Variants in PTPN20 observed in about 807,000 individuals in gnomAD.
PTPN20 encodes tyrosine-protein phosphatase non-receptor type 20.
PTPN20 carries 9 observed loss-of-function variants against 35.0 expected under a neutral mutation model. The ratio of observed to expected loss-of-function variants is 0.26; its 90% CI spans 0.15 to 0.45. PTPN20 has a LOEUF of 0.45. Ranked by LOEUF, PTPN20 falls within the 20% of genes least tolerant of loss-of-function variation. PTPN20 has a pLI of 1.00. For synonymous variants in PTPN20, 32 were observed against 100.2 expected (o/e 0.32, Z 4.06); for missense variants, 111 against 312.5 (o/e 0.36, Z 4.86).
chr10:46,950,671 G>T (rs1355432567), intron 5 of PTPN20, among the ~76,000 whole-genome samples: 2 of 151,884 alleles, frequency 1.3e-5, no homozygotes, highest in Non-Finnish European at 2.9e-5. Context: ...GTTAATGTAT[G>T]CTAATATTTT....
intron 9 of PTPN20, among the ~76,000 whole-genome samples, chr10:46,998,976 C>T (rs1205863844): frequency 1.3e-5 from 2 of 148,746 alleles, no homozygotes; most frequent in Non-Finnish European, 3.0e-5. Flanking sequence ...TGGTGGAACG[C>T]ACCTATAGTT....
chr10:46,992,690 C>T (rs2058227588), intron 9 of PTPN20, among the ~76,000 whole-genome samples: 2 of 152,152 alleles, frequency 1.3e-5, no homozygotes, highest in African/African-American at 2.4e-5. Flanking sequence ...AGCTTCCTTA[C>T]CACCCAGATT....
At chr10:46,997,133 T>C (rs71498277) in intron 9 of PTPN20, among the ~76,000 whole-genome samples, 74,747 of 151,984 alleles carry the variant, frequency 0.49, 19,625 homozygotes, top group African/African-American at 0.68. Flanking sequence ...TTTAGGTCTT[T>C]TTTGAATTCT....
At chr10:47,003,282 G>T (rs1016887707), downstream of PTPN20, among the ~76,000 whole-genome samples, 4 of 138,598 alleles carry the variant, frequency 2.9e-5, no homozygotes, top group Non-Finnish European at 4.7e-5. Context: ...CATCAAATTT[G>T]TAGGTGAAAA....
chr10:46,946,849 A>G (rs1307133738), intron 5 of PTPN20, 174 bp downstream of exon 5: 1 of 589,950 alleles, frequency 1.7e-6, no homozygotes, highest in Non-Finnish European at 2.9e-6. Flanking sequence ...AAAATGCTCC[A>G]CACCCCATAT....
chr10:46,997,628 AAAC>A (rs1195170232), intron 9 of PTPN20, among the ~76,000 whole-genome samples: 93 of 152,146 alleles, frequency 6.1e-4, no homozygotes, highest in Admixed American at 2.6e-3. Context: ...AAAAAAAAAA[AAAC>A]AAGCTAGAGA....
intron 5 of PTPN20, among the ~76,000 whole-genome samples, chr10:46,963,910 G>A (rs1555158447): frequency 2.0e-5 from 1 of 50,098 alleles, no homozygotes; most frequent in Non-Finnish European, 3.2e-5. Flanking sequence ...TGGCTTCTAC[G>A]CTTGTGGGAA....
intron 5 of PTPN20, among the ~76,000 whole-genome samples, chr10:46,953,602 C>T (rs1284636840): frequency 2.2e-5 from 3 of 136,630 alleles, no homozygotes; most frequent in African/African-American, 3.2e-5. Flanking sequence ...CCTAGTTTCC[C>T]GGAGTTATTA....
chr10:46,926,249 C>T (rs2037334594), intron 1 of PTPN20: 1 of 808,122 alleles, frequency 1.2e-6, no homozygotes, highest in African/African-American at 1.9e-5. Flanking sequence ...ACTGACTGCA[C>T]ATTATGAGAC....
intron 10 of PTPN20, 58 bp from the exon 11 acceptor site, chr10:47,000,618 G>A (rs1446351395): frequency 1.3e-6 from 2 of 1,595,032 alleles, no homozygotes; most frequent in East Asian, 2.2e-5. Context: ...TTTTCTGAAA[G>A]TGGATTCTGT....
chr10:46,947,985 C>A, intron 5 of PTPN20: 1 of 452,898 alleles, frequency 2.2e-6, no homozygotes, highest in South Asian at 1.6e-5. Flanking sequence ...ATTGCTGGGT[C>A]ATAAGTGTAT....
In PTPN20 at chr10:46,982,482, C is replaced by A. The variant is rs1219188096; in HGVS notation, c.584-1748C>A. ...CCCTTGTATGCGCTGTGTCTTTTACCATTTTAATCATTATTGTAGGTTTTT... is the reference window on the plus strand; with the variant it reads ...CCCTTGTATGCGCTGTGTCTTTTACAATTTTAATCATTATTGTAGGTTTTT... On this transcript the variant is annotated intron_variant, in intron 7 of 10. Coordinates refer to ENST00000374339, the MANE Select transcript of PTPN20 (RefSeq NM_001042357.5). Among the ~76,000 whole-genome samples, 9 of 152,030 alleles carry A rather than the reference C, an allele frequency of 5.9e-5. No homozygotes were observed. In the East Asian group the frequency reaches 1.7e-3, roughly 29 times the overall value.
intron 1 of PTPN20, among the ~76,000 whole-genome samples, chr10:46,928,337 A>G (rs2038368740): frequency 1.3e-5 from 2 of 151,654 alleles, no homozygotes; most frequent in Admixed American, 6.6e-5. Flanking sequence ...TTTATCCTAG[A>G]GTTTCTGTAT....
Position 46,967,973 on chromosome 10 carries a change from A to G in PTPN20, c.509A>G (p.Asn170Ser). 2.0e-6 allele frequency: 2 copies of G among 1,022,532 alleles called. 1 individual carries two copies. The allele number at this position is 1,022,532 out of a possible 1,614,324, so 63.3% of individuals were successfully genotyped here. The stretch of plus-strand genomic sequence containing the variant: ...CTTTTAAAGGCTTTAGAACTTAAGA[A>G]TCTGCCTGGTGAGTTCAACTCTGGG... ...MQEFMALELK[N>S]LPGEFNSGNQ... Residue 170 changes from asparagine to serine, a missense_variant, in exon 7 of 11, where the codon AAT becomes AGT. Coordinates refer to ENST00000374339, the MANE Select transcript of PTPN20 (RefSeq NM_001042357.5).
At chr10:46,994,444 G>C (rs1340010061) in intron 9 of PTPN20, among the ~76,000 whole-genome samples, 1 of 145,746 alleles carries the variant, frequency 6.9e-6, no homozygotes, top group Non-Finnish European at 1.5e-5. Flanking sequence ...CCATTCTCCT[G>C]CCTCAGCCTC....
At position 46,948,155 on chromosome 10, in the gene PTPN20, T is replaced by TA. The variant is rs1323593880; in HGVS notation, c.340+1482dup. On this transcript the variant is annotated intron_variant, in intron 5 of 10. Coordinates refer to ENST00000374339, the MANE Select transcript of PTPN20 (RefSeq NM_001042357.5). Reference sequence around the variant, plus strand: ...CCTTTCTTGGTTGTGTCAAGTCTACTAATGAACCCATTGAAAGCACACAGT... The same window carrying TA: ...CCTTTCTTGGTTGTGTCAAGTCTACTAAATGAACCCATTGAAAGCACACAGT... Among the ~76,000 whole-genome samples the TA allele has an allele frequency of 2.0e-5, 3 of 152,248 alleles. No individual in the cohort carries two copies. In the East Asian group the frequency reaches 5.8e-4, roughly 29 times the overall value.
chr10:46,920,459 C>A (rs1433689568), intron 1 of PTPN20, among the ~76,000 whole-genome samples: 1 of 149,562 alleles, frequency 6.7e-6, no homozygotes, highest in African/African-American at 2.5e-5. Context: ...CACCATTACT[C>A]CCCAGACTCA....
intron 3 of PTPN20, among the ~76,000 whole-genome samples, 159 bp downstream of exon 3, chr10:46,940,876 G>C (rs1382794810): frequency 6.6e-6 from 1 of 151,848 alleles, no homozygotes; most frequent in Non-Finnish European, 1.5e-5. Context: ...GGATTTGAAA[G>C]AGTGGAATTT....
chr10:46,945,828 T>TCTATTTTTAAGGAAA (rs2044592163), intron 4 of PTPN20, among the ~76,000 whole-genome samples: 1 of 140,974 alleles, frequency 7.1e-6, no homozygotes, highest in African/African-American at 2.7e-5. Flanking sequence ...AGACAGAGTT[T>TCTATTTTTAAGGAAA]AAAGCATTTC....
Sources: gnomAD v4.1 joint callset for allele counts (sites outside exome capture counted in the v4.1 genomes callset) on GRCh38, gnomAD v4.1.1 for gene constraint, MANE v1.5 for transcripts, NCBI Gene and HGNC (gene_info 2026-07-23, HGNC 2026-07-21) for gene names.